HACL1: variants seen among roughly 807,000 people sequenced by gnomAD.
HACL1 encodes 1600020H07Rik.
In HACL1, 64 loss-of-function variants were observed where a neutral mutation model predicts 74.2. The observed-to-expected ratio is 0.86, with a 90% CI of 0.70 to 1.06. The LOEUF (loss-of-function observed/expected upper bound fraction) is 1.06, where lower values mean the gene tolerates loss of function less well. HACL1 is among the 50% of genes least tolerant of loss of function. The probability of loss-of-function intolerance (pLI) is 0.00; values close to 1 mark genes in which losing one functional copy is unlikely to be tolerated. For missense variants in HACL1, 728 were observed against 719.7 expected, an observed-to-expected ratio of 1.01 and a Z score of -0.13; for synonymous variants, 230 against 238.8, an observed-to-expected ratio of 0.96 and a Z score of 0.34.
chr3:15,563,245 G>T, intron 16 of HACL1, 113 bp downstream of exon 16: 1 of 692,662 alleles, frequency 1.4e-6, no homozygotes, highest in Non-Finnish European at 2.5e-6. Context: ...CTCAGAAATG[G>T]TTTAGAAAGA....
intron 14 of HACL1, among the ~76,000 whole-genome samples, chr3:15,565,295 CT>C (rs1311319062): frequency 6.6e-6 from 1 of 152,260 alleles, no homozygotes; most frequent in African/African-American, 2.4e-5. Context: ...CTATTTAATA[CT>C]CTCTAAAGTA....
chr3:15,588,324 T>C (rs962549474), intron 5 of HACL1, among the ~76,000 whole-genome samples: 9 of 152,166 alleles, frequency 5.9e-5, no homozygotes, highest in Admixed American at 1.3e-4. Context: ...ATGGGTGTGG[T>C]GGCTCACGCC....
At position 15,591,667 on chromosome 3, in the gene HACL1, G is replaced by C. The variant is rs760708513; in HGVS notation, c.241C>G (p.Leu81Val). The C allele has an allele frequency of 5.0e-6, 8 of 1,610,474 alleles. No homozygotes were observed. In the Admixed American group the frequency reaches 1.0e-4, roughly 20 times the overall value. ...GYLTSRPGVCLVVSGPGLIHA... is the reference protein window; with the variant it reads ...GYLTSRPGVCVVVSGPGLIHA... ...ATGAGACCTGGGCCAGAAACAACAA[G>C]GCAGACTCCTGGCCTAAAAGCAAAA... Residue 81 changes from leucine to valine, a missense_variant, in exon 4 of 17, where the codon CTT (leucine) becomes GTT (valine). By Grantham distance (32) the Leu-to-Val change is conservative. Transcript: ENST00000321169.
Position 15,580,039 on chromosome 3 carries a change from G to A in HACL1, c.674C>T (p.Ala225Val). 6.2e-7 allele frequency: 1 copy of A among 1,611,894 alleles called. No homozygotes were observed. The highest frequency in any genetic ancestry group is 8.5e-7 in the Non-Finnish European group (1 of 1,178,300). Reference sequence around the variant, plus strand: ...GATACTCTCTTCTGCATGAGCGTAAGCAGCACCTATAAGAAATGCAAATGT... The same window carrying A: ...GATACTCTCTTCTGCATGAGCGTAAACAGCACCTATAAGAAATGCAAATGT... Reference protein sequence around the residue: ...QPLLIIGKGAAYAHAEESIKK... With the variant: ...QPLLIIGKGAVYAHAEESIKK... Residue 225 changes from alanine to valine, a missense_variant, in exon 9 of 17, where the codon GCT becomes GTT. Physicochemically the swap from Ala to Val is moderately conservative, Grantham distance 64 (BLOSUM62 0). Coordinates refer to ENST00000321169, the MANE Select transcript of HACL1 (RefSeq NM_012260.4).
At chr3:15,586,502 GA>G (rs766469992) in intron 6 of HACL1, 22 bp downstream of exon 6, 21 of 1,304,696 alleles carry the variant, frequency 1.6e-5, no homozygotes, top group Non-Finnish European at 2.3e-5. Context: ...TTGACTTGGA[GA>G]GCTTGTTATT....
chr3:15,570,147 C>T (rs2063501617), intron 12 of HACL1, among the ~76,000 whole-genome samples: 1 of 151,872 alleles, frequency 6.6e-6, no homozygotes, highest in African/African-American at 2.4e-5. Flanking sequence ...CCATCCTGGC[C>T]AACATGGTGA....
chr3:15,592,655 T>C (rs1357428777), intron 3 of HACL1, among the ~76,000 whole-genome samples: 3 of 56 alleles, frequency 0.054, no homozygotes, highest in East Asian at 0.33. Context: ...TATACACATG[T>C]ACGCACATGT....
At position 15,586,579 on chromosome 3, in the gene HACL1, G is replaced by A. The variant is rs1165611978; in HGVS notation, c.405C>T (p.Thr135=). The part of the protein sequence containing the change: ...FPQVEACRLY[T]KFSARPSSIE... The stretch of plus-strand genomic sequence containing the variant: ...TGCTGCTTGGGCGGGCAGAGAACTT[G>A]GTATATAATCTACAAGCTTCAACCT... The change falls in exon 6 of 17, where the codon ACC becomes ACT. Residue 135 remains threonine, a synonymous_variant. Transcript: ENST00000321169. 1.5e-5 allele frequency: 24 copies of A among 1,595,238 alleles called. No homozygotes were observed. Among genetic ancestry groups the A allele is most frequent in the Non-Finnish European group, 2.0e-5 (23 of 1,164,702 alleles).
At chr3:15,591,736 A>G in intron 3 of HACL1, 56 bp from the exon 4 acceptor site, 5 of 1,135,122 alleles carry the variant, frequency 4.4e-6, no homozygotes, top group Non-Finnish European at 6.6e-6. Flanking sequence ...CTGATTCATA[A>G]CACTTTAGTG....
rs1431948726 is a variant in HACL1, at chr3:15,596,378, G to C, written c.227+6C>G. On this transcript the variant is annotated splice_donor_region_variant and intron_variant, in intron 3 of 16. Transcript: ENST00000321169. ...AGTAATTGAAGTGAAACAAATTTTA[G>C]TTTACCTGCTTGTCAGATATCCAAT... 6.4e-7 allele frequency: 1 copy of C among 1,555,176 alleles called. No homozygotes were observed. The highest frequency in any genetic ancestry group is 1.4e-5 in the African/African-American group (1 of 73,736).
chr3:15,585,376 A>G (rs758358983), intron 6 of HACL1, 34 bp from the exon 7 acceptor site: 14 of 1,156,218 alleles, frequency 1.2e-5, no homozygotes, highest in Non-Finnish European at 1.7e-5. Context: ...AAAGATTTGT[A>G]AAATCTCAGT....
intron 7 of HACL1, among the ~76,000 whole-genome samples, chr3:15,584,281 G>C (rs1482644551): frequency 6.6e-6 from 1 of 151,976 alleles, no homozygotes; most frequent in Admixed American, 6.6e-5. Context: ...TTTTTTATCT[G>C]ACTCTCCGAA....
intron 14 of HACL1, among the ~76,000 whole-genome samples, chr3:15,567,081 A>G (rs557199387): frequency 6.6e-6 from 1 of 151,808 alleles, no homozygotes; most frequent in Admixed American, 6.6e-5. Context: ...CAGCCACCCA[A>G]AGTGTTGGGA....
At chr3:15,583,840 T>A (rs1433619664) in intron 7 of HACL1, among the ~76,000 whole-genome samples, 1 of 151,980 alleles carries the variant, frequency 6.6e-6, no homozygotes, top group African/African-American at 2.4e-5. Context: ...GTATTTTTCG[T>A]AGAGATGGGG....
rs550520000 is a variant in HACL1 at position 15,589,803 on chromosome 3, G to A, written c.309-191C>T. Among the ~76,000 whole-genome samples the A allele has an allele frequency of 3.3e-5, 5 of 152,286 alleles. No individual in the cohort carries two copies. The South Asian group carries it at 1.0e-3, about 32-fold the overall frequency. On this transcript the variant is annotated intron_variant, in intron 4 of 16. Coordinates refer to ENST00000321169, the MANE Select transcript of HACL1 (RefSeq NM_012260.4). ...GTAATCCAGCACTTTGGGAGGCCAAGGTGGGTGGATCACTTGAAATCAGGA... is the reference window on the plus strand; with the variant it reads ...GTAATCCAGCACTTTGGGAGGCCAAAGTGGGTGGATCACTTGAAATCAGGA...
Position 15,601,171 on chromosome 3 carries a change from G to C in HACL1, c.105C>G (p.Ile35Met), listed in dbSNP as rs745571036. The change falls in exon 2 of 17, where the codon ATC (isoleucine) becomes ATG (methionine). Residue 35 changes from isoleucine (I) to methionine (M), a missense_variant. By Grantham distance (10) the Ile-to-Met change is conservative. Coordinates refer to ENST00000321169, the MANE Select transcript of HACL1 (RefSeq NM_012260.4). The part of the protein sequence containing the change: ...KTQDVEYIFG[I>M]VGIPVTEIAI... ...CGATTTCGGTCACTGGGATGCCTAC[G>C]ATGCCAAATATGTACTCCACATCCT... is the stretch of plus-strand genomic sequence containing the variant. 6 of 1,612,966 alleles carry C rather than the reference G, an allele frequency of 3.7e-6. No homozygotes were observed. The African/African-American group carries it at 4.0e-5, about 11-fold the overall frequency.
Position 15,567,996 on chromosome 3 carries a change from A to T in HACL1, c.1257T>A (p.Asp419Glu). ...CTCCCATTGTTCCGAAAGTACCAGC[A>T]TCAAGCCTGTTGGAGAACAAAGTTA... ...LQNYLPRHRL[D>E]AGTFGTMGVG... The change falls in exon 14 of 17, where the codon GAT (aspartate) becomes GAA (glutamate). Residue 419 changes from aspartate to glutamate, a missense_variant. Coordinates refer to ENST00000321169, the MANE Select transcript of HACL1 (RefSeq NM_012260.4). 6.2e-7 allele frequency: 1 copy of T among 1,614,192 alleles called. No homozygotes were observed. Among genetic ancestry groups the T allele is most frequent in the Non-Finnish European group, 8.5e-7 (1 of 1,179,994 alleles).
chr3:15,561,438 G>A (rs2063345223), intron 16 of HACL1, among the ~76,000 whole-genome samples: 1 of 151,522 alleles, frequency 6.6e-6, no homozygotes, highest in African/African-American at 2.4e-5. Flanking sequence ...AAATTCCACT[G>A]GAATGAAAAT....
chr3:15,562,255 AAC>A (rs1050788140), intron 16 of HACL1, among the ~76,000 whole-genome samples: 1 of 152,104 alleles, frequency 6.6e-6, no homozygotes, highest in African/African-American at 2.4e-5. Context: ...CCTCCCTTAA[AAC>A]AGTCTGCCTG....
Sources: gnomAD v4.1 joint callset for allele counts (sites outside exome capture counted in the v4.1 genomes callset) on GRCh38, gnomAD v4.1.1 for gene constraint, MANE v1.5 for transcripts, NCBI Gene and HGNC (gene_info 2026-07-23, HGNC 2026-07-21) for gene names.